ZDHHC4: variants seen among roughly 807,000 people sequenced by gnomAD.
ZDHHC4 encodes palmitoyltransferase ZDHHC4.
A neutral mutation model predicts 36.7 loss-of-function variants in ZDHHC4; 42 were observed. The observed-to-expected ratio is 1.14, with a 90% CI of 0.89 to 1.48. The LOEUF (loss-of-function observed/expected upper bound fraction) is 1.48, where lower values mean the gene tolerates loss of function less well. Ranked by LOEUF, ZDHHC4 falls within the 40% of genes most tolerant of loss-of-function variation. The probability of loss-of-function intolerance (pLI) is 0.00; values close to 1 mark genes in which losing one functional copy is unlikely to be tolerated. For synonymous variants in ZDHHC4, 189 were observed against 166.6 expected (o/e 1.13, Z -1.03); for missense variants, 457 against 421.5 (o/e 1.08, Z -0.74).
chr7:6,583,855 G>C (rs1352732781), intron 6 of ZDHHC4: 2 of 154,714 alleles, frequency 1.3e-5, no homozygotes, highest in South Asian at 4.0e-4. Flanking sequence ...CAGATCTCTT[G>C]AGCCTAGGAG....
At position 6,588,719 on chromosome 7, in the gene ZDHHC4, G is replaced by C; in HGVS notation, c.844G>C (p.Ala282Pro). ...GYLLFVLYLA[A>P]TNQTTNEWYR... ...CCTGTTGTTTGTCCTGTATCTGGCGGCCACCAACCAGACTACTAACGAGTG... is the reference window on the plus strand; with the variant it reads ...CCTGTTGTTTGTCCTGTATCTGGCGCCCACCAACCAGACTACTAACGAGTG... The change falls in exon 8 of 8, where the codon GCC becomes CCC. Residue 282 changes from alanine (A) to proline (P), a missense_variant. Physicochemically the swap from Ala to Pro is conservative, Grantham distance 27 (BLOSUM62 -1). Transcript: ENST00000335965. The C allele has an allele frequency of 6.2e-7, 1 of 1,614,192 alleles. No individual in the cohort carries two copies. The highest frequency in any genetic ancestry group is 8.5e-7 in the Non-Finnish European group (1 of 1,180,032).
At position 6,578,597 on chromosome 7, in the gene ZDHHC4, G is replaced by T. The variant is rs927004995; in HGVS notation, c.-131G>T. The T allele has an allele frequency of 1.3e-5, 2 of 152,124 alleles. No individual in the cohort carries two copies. The highest frequency in any genetic ancestry group is 2.4e-5 in the African/African-American group (1 of 41,390). The allele number at this position is 152,124 out of a possible 1,614,324, so 9.4% of individuals were successfully genotyped here. On this transcript the variant is annotated 5_prime_UTR_variant, in exon 2 of 8. Coordinates refer to ENST00000335965, the MANE Select transcript of ZDHHC4 (RefSeq NM_001134389.2). ...CCAGGCTCCTGGAAGAACCATGTCC[G>T]GCAGCTACTGGTCATGCCAGGCACA...
intron 7 of ZDHHC4, among the ~76,000 whole-genome samples, chr7:6,587,314 T>C (rs1389808209): frequency 6.6e-6 from 1 of 152,118 alleles, no homozygotes; most frequent in East Asian, 1.9e-4. Context: ...GGGTTTTGGG[T>C]TTTTTGGGGT....
intron 5 of ZDHHC4, 46 bp downstream of exon 5, chr7:6,582,297 C>G (rs200033164): frequency 6.4e-7 from 1 of 1,563,406 alleles, no homozygotes; most frequent in Non-Finnish European, 8.7e-7. Flanking sequence ...GCTCCACTGT[C>G]TTACTAATAG....
chr7:6,582,406 T>A (rs2115167938), intron 5 of ZDHHC4, 155 bp downstream of exon 5: 2 of 764,606 alleles, frequency 2.6e-6, no homozygotes, highest in East Asian at 2.5e-5. Flanking sequence ...CTAATTTTTT[T>A]TTTCTTCTTC....
At chr7:6,581,253 C>A in intron 3 of ZDHHC4, 1 of 307,900 alleles carries the variant, frequency 3.2e-6, no homozygotes, top group South Asian at 3.0e-5. Flanking sequence ...GGGACCTGGG[C>A]CAATGCCCAG....
intron 6 of ZDHHC4, chr7:6,583,669 G>T: frequency 2.3e-6 from 1 of 433,894 alleles, no homozygotes; most frequent in African/African-American, 2.1e-5. Context: ...TCGCCACGTG[G>T]CAGGACATGC....
chr7:6,585,124 C>T lies in ZDHHC4; in HGVS notation c.605C>T (p.Thr202Met), dbSNP rs115088833. 1,478 of 1,614,092 alleles carry T rather than the reference C, an allele frequency of 9.2e-4. 12 individuals carry two copies. The African/African-American group carries it at 0.017, about 19-fold the overall frequency. Residue 202 changes from threonine to methionine, a missense_variant, in exon 7 of 8, where the codon ACG becomes ATG. Transcript: ENST00000335965. ...RYFLIYVLTL[T>M]ASAATVAIVS... ...TTCCTCATCTACGTCTTGACCTTGA[C>T]GGCCTCGGCTGCCACCGTCGCCATT...
At chr7:6,586,914 T>G (rs1482559596) in intron 7 of ZDHHC4, among the ~76,000 whole-genome samples, 2 of 152,228 alleles carry the variant, frequency 1.3e-5, no homozygotes, top group African/African-American at 4.8e-5. Context: ...TGAACATTCA[T>G]GTACAAGTTT....
rs184283791 is a variant in ZDHHC4 at position 6,578,126 on chromosome 7, G to A, written c.-162-440G>A. Among the ~76,000 whole-genome samples, 699 of 151,926 alleles carry A rather than the reference G, an allele frequency of 4.6e-3. 8 individuals are homozygous for A. Among genetic ancestry groups the A allele is most frequent in the Middle Eastern group, 0.01 (3 of 294 alleles). ...ATTATAGGCGTGAGCCACCGCGCCC[G>A]GCCTCTTTTATTGTTTTTAGAGATG... On this transcript the variant is annotated intron_variant, in intron 1 of 7. Coordinates refer to ENST00000335965, the MANE Select transcript of ZDHHC4 (RefSeq NM_001134389.2).
At chr7:6,588,322 G>T (rs1272075774) in intron 7 of ZDHHC4, among the ~76,000 whole-genome samples, 1 of 152,214 alleles carries the variant, frequency 6.6e-6, no homozygotes, top group Non-Finnish European at 1.5e-5. Flanking sequence ...ATTGATGAAT[G>T]AAGTCTGCAT....
At chr7:6,583,609 T>C (rs1241997515) in intron 6 of ZDHHC4, 178 bp downstream of exon 6, 2 of 839,580 alleles carry the variant, frequency 2.4e-6, no homozygotes, top group African/African-American at 3.5e-5. Flanking sequence ...TCAGGTCTTG[T>C]GTTCCTGTGT....
At chr7:6,582,949 TC>T (rs1285726959) in intron 5 of ZDHHC4, among the ~76,000 whole-genome samples, 1 of 151,996 alleles carries the variant, frequency 6.6e-6, no homozygotes, top group Non-Finnish European at 1.5e-5. Flanking sequence ...GGTGGGAGGA[TC>T]ACCTGAGGTC....
Position 6,589,070 on chromosome 7 carries a change from C to T in ZDHHC4, c.*160C>T. The T allele has an allele frequency of 1.2e-6, 1 of 863,652 alleles. No homozygotes were observed. The highest frequency in any genetic ancestry group is 1.8e-6 in the Non-Finnish European group (1 of 570,272). 53.5% of individuals were successfully genotyped at this position (863,652 alleles called of 1,614,324 possible). On this transcript the variant is annotated 3_prime_UTR_variant, in exon 8 of 8. Transcript: ENST00000335965. ...AAAATGGGTGTTGACTGAGGAATCCCCCTTGCTTGTCTTCTTTTGAAACCG... is the reference window on the plus strand; with the variant it reads ...AAAATGGGTGTTGACTGAGGAATCCTCCTTGCTTGTCTTCTTTTGAAACCG...
At chr7:6,581,229 G>A (rs1780832154) in intron 3 of ZDHHC4, 4 of 277,846 alleles carry the variant, frequency 1.4e-5, no homozygotes, top group Non-Finnish European at 2.7e-5. Flanking sequence ...CTATGGGAAG[G>A]CATTGAGTTG....
intron 6 of ZDHHC4, 140 bp downstream of exon 6, chr7:6,583,571 A>G (rs1319037882): frequency 2.5e-6 from 3 of 1,191,798 alleles, no homozygotes; most frequent in Non-Finnish European, 3.4e-6. Context: ...TAGAGTTGAG[A>G]TAATGGTTTC....
chr7:6,584,886 T>C (rs1401980889), intron 6 of ZDHHC4, 130 bp from the exon 7 acceptor site: 1 of 1,356,730 alleles, frequency 7.4e-7, no homozygotes, highest in Admixed American at 2.3e-5. Flanking sequence ...AAGCTTAGTT[T>C]GGAACTAAGC....
At position 6,589,131 on chromosome 7, in the gene ZDHHC4, A is replaced by C. The variant is rs1416058206; in HGVS notation, c.*221A>C. The C allele has an allele frequency of 3.6e-6, 2 of 561,050 alleles. No individual in the cohort carries two copies. Among genetic ancestry groups the C allele is most frequent in the African/African-American group, 3.8e-5 (2 of 53,102 alleles). The allele number at this position is 561,050 out of a possible 1,614,324, so 34.8% of individuals were successfully genotyped here. ...AAGTCCTGGTGTCAAGGGGATCAAG[A>C]GATGACTTCTCAGAGGTTCTAGGTG... On this transcript the variant is annotated 3_prime_UTR_variant, in exon 8 of 8. Transcript: ENST00000335965.
intron 7 of ZDHHC4, among the ~76,000 whole-genome samples, chr7:6,585,501 A>C (rs1781179656): frequency 6.6e-6 from 1 of 151,950 alleles, no homozygotes; most frequent in Non-Finnish European, 1.5e-5. Context: ...TTGTCTCTAC[A>C]AAAAATACAA....
Sources: gnomAD v4.1 joint callset for allele counts (sites outside exome capture counted in the v4.1 genomes callset) on GRCh38, gnomAD v4.1.1 for gene constraint, MANE v1.5 for transcripts, NCBI Gene and HGNC (gene_info 2026-07-23, HGNC 2026-07-21) for gene names.